The following STK33 variants were observed in gnomAD, a reference collection of about 807,000 sequenced individuals.
STK33 encodes the protein serine/threonine-protein kinase 33.
Under a neutral mutation model 58.0 loss-of-function variants are expected in STK33, and 52 were observed. The ratio of observed to expected loss-of-function variants is 0.90; its 90% CI spans 0.72 to 1.13. The LOEUF (loss-of-function observed/expected upper bound fraction) is 1.13, where lower values mean the gene tolerates loss of function less well. Among genes scored for constraint, STK33 ranks in the 50% most tolerant of loss-of-function variants. The pLI is 0.00. For missense variants in STK33, 630 were observed against 604.2 expected (o/e 1.04, Z -0.45); for synonymous variants, 215 against 200.1 (o/e 1.07, Z -0.63).
chr11:8,366,673 C>A, the STK33 span, among the ~76,000 whole-genome samples: 1 of 152,222 alleles, frequency 6.6e-6, no homozygotes, highest in Non-Finnish European at 1.5e-5. Flanking sequence ...AGTGTGGCCA[C>A]CAAAGATCAA....
At chr11:8,526,552 T>C (rs143224975) in intron 1 of STK33, among the ~76,000 whole-genome samples, 1 of 152,142 alleles carries the variant, frequency 6.6e-6, no homozygotes, top group Non-Finnish European at 1.5e-5. Context: ...CCAAAATACA[T>C]GTACCTGAAT....
chr11:8,431,041 A>G (rs896690768), intron 14 of STK33, among the ~76,000 whole-genome samples: 5 of 151,698 alleles, frequency 3.3e-5, no homozygotes, highest in Non-Finnish European at 7.4e-5. Flanking sequence ...TAATTTTTGT[A>G]TTTTTAGTAG....
intron 14 of STK33, among the ~76,000 whole-genome samples, chr11:8,424,953 G>A (rs1487890605): frequency 7.4e-6 from 1 of 134,832 alleles, no homozygotes; most frequent in African/African-American, 2.9e-5. Context: ...CACTCTGAGG[G>A]TAGTTTCTTT....
chr11:8,522,141 ATTATAAATCATGCT>A (rs978421814), intron 1 of STK33, among the ~76,000 whole-genome samples: 1 of 152,248 alleles, frequency 6.6e-6, no homozygotes, highest in African/African-American at 2.4e-5. Context: ...TACCCAAAGG[ATTATAAATCATGCT>A]GCTATAAAGA....
chr11:8,392,344 G>T lies in STK33; in HGVS notation c.*166C>A. ...GCCATGTGCAGCTTATGCTGCTTTGGAGATAAGCAGCTTCAATTTTAAGCT... is the reference window on the plus strand; with the variant it reads ...GCCATGTGCAGCTTATGCTGCTTTGTAGATAAGCAGCTTCAATTTTAAGCT... On this transcript the variant is annotated 3_prime_UTR_variant, in exon 16 of 16. Transcript: ENST00000687296. The T allele has an allele frequency of 1.3e-6, 1 of 790,368 alleles. No homozygotes were observed. Among genetic ancestry groups the T allele is most frequent in the Non-Finnish European group, 2.1e-6 (1 of 484,324 alleles). The allele number at this position is 790,368 out of a possible 1,614,324, so 49.0% of individuals were successfully genotyped here.
At position 8,494,479 on chromosome 11, in the gene STK33, T is replaced by C. The variant is rs189578882; in HGVS notation, c.-465-13865A>G. Reference sequence around the variant, plus strand: ...CAAATGGAAGAACATTTCATGCTCATGGATAGGAAGAATCAATATTGTGAA... The same window carrying C: ...CAAATGGAAGAACATTTCATGCTCACGGATAGGAAGAATCAATATTGTGAA... On this transcript the variant is annotated intron_variant, in intron 1 of 15. Coordinates refer to ENST00000687296, the MANE Select transcript of STK33 (RefSeq NM_001352389.2). Among the ~76,000 whole-genome samples, 32 of 152,340 alleles carry C rather than the reference T, an allele frequency of 2.1e-4. No individual in the cohort carries two copies. The East Asian group carries it at 5.4e-3, about 26-fold the overall frequency.
the STK33 span, among the ~76,000 whole-genome samples, chr11:8,370,146 G>A: frequency 6.6e-6 from 1 of 152,186 alleles, no homozygotes; most frequent in Non-Finnish European, 1.5e-5. Flanking sequence ...TTGCGGTAGA[G>A]CTAAGGGGGA....
At chr11:8,399,185 C>T (rs1394097782) in intron 15 of STK33, among the ~76,000 whole-genome samples, 1 of 152,214 alleles carries the variant, frequency 6.6e-6, no homozygotes. Context: ...CACCACACCA[C>T]ACCTATTCCA....
chr11:8,361,665 T>A, the STK33 span, among the ~76,000 whole-genome samples: 2 of 152,228 alleles, frequency 1.3e-5, no homozygotes, highest in Non-Finnish European at 2.9e-5. The surrounding 1 kb of genome is among the most constrained non-coding windows in gnomAD (Gnocchi z 4.8). Flanking sequence ...CTAGCTTGTC[T>A]CCTCTGCTTC....
intron 1 of STK33, among the ~76,000 whole-genome samples, chr11:8,491,827 T>A (rs1340721684): frequency 1.3e-5 from 2 of 152,236 alleles, no homozygotes; most frequent in East Asian, 3.9e-4. Flanking sequence ...AACCCAGAAT[T>A]TCATATCCAG....
At chr11:8,578,757 T>C (rs1220386412) in intron 1 of STK33, among the ~76,000 whole-genome samples, 1 of 151,938 alleles carries the variant, frequency 6.6e-6, no homozygotes, top group Non-Finnish European at 1.5e-5. Context: ...AACTATTATC[T>C]ATCTAAAAAC....
chr11:8,592,932 C>T (rs2032842131), intron 1 of STK33, among the ~76,000 whole-genome samples: 1 of 152,148 alleles, frequency 6.6e-6, no homozygotes, highest in African/African-American at 2.4e-5. Flanking sequence ...AGTTAAGAGG[C>T]TACTACTGGA....
At chr11:8,368,900 G>A in the STK33 span, among the ~76,000 whole-genome samples, 1 of 152,178 alleles carries the variant, frequency 6.6e-6, no homozygotes, top group Non-Finnish European at 1.5e-5. Context: ...TTATAGAAAG[G>A]AGCTGATCAC....
chr11:8,555,559 G>C (rs905570344), intron 1 of STK33, among the ~76,000 whole-genome samples: 1 of 152,136 alleles, frequency 6.6e-6, no homozygotes, highest in Admixed American at 6.5e-5. Context: ...CAGTTACTCG[G>C]GAGGCTGAGG....
At chr11:8,423,813 T>C (rs1364138162) in intron 14 of STK33, among the ~76,000 whole-genome samples, 2 of 152,072 alleles carry the variant, frequency 1.3e-5, no homozygotes, top group Non-Finnish European at 2.9e-5. Flanking sequence ...TCTCCTACTA[T>C]AATGGATTTG....
At chr11:8,386,444 T>G in the STK33 span, among the ~76,000 whole-genome samples, 2 of 152,234 alleles carry the variant, frequency 1.3e-5, no homozygotes, top group East Asian at 3.8e-4. Flanking sequence ...TTTATCCATT[T>G]GCATGGTTTT....
At chr11:8,530,650 G>A (rs1458862433) in intron 1 of STK33, among the ~76,000 whole-genome samples, 1 of 152,056 alleles carries the variant, frequency 6.6e-6, no homozygotes, top group Non-Finnish European at 1.5e-5. Flanking sequence ...CAAACTTAAA[G>A]GAAACCTTAT....
intron 12 of STK33, among the ~76,000 whole-genome samples, chr11:8,439,218 A>G (rs1944418436): frequency 6.6e-6 from 1 of 152,188 alleles, no homozygotes; most frequent in Non-Finnish European, 1.5e-5. Context: ...CACTGAATGT[A>G]TGTCTATTAT....
intron 1 of STK33, among the ~76,000 whole-genome samples, chr11:8,497,089 T>C (rs1373992310): frequency 1.3e-5 from 2 of 152,056 alleles, no homozygotes; most frequent in Non-Finnish European, 2.9e-5. Context: ...AAATAAAAAA[T>C]AACATAGATT....
Sources: allele counts gnomAD v4.1 joint callset (sites outside exome capture counted in the v4.1 genomes callset), GRCh38; gene constraint gnomAD v4.1.1; non-coding constraint Gnocchi (gnomAD v3.1); transcripts MANE v1.5; gene names NCBI Gene and HGNC (gene_info 2026-07-23, HGNC 2026-07-21).